GABRB2: variants seen among roughly 807,000 people sequenced by gnomAD.
The protein encoded by GABRB2 is gamma-aminobutyric acid type A receptor subunit beta2.
A neutral mutation model predicts 54.7 loss-of-function variants in GABRB2; 16 were observed. The observed-to-expected ratio is 0.29, with a 90% CI of 0.20 to 0.44. The LOEUF is 0.44. Among genes scored for constraint, GABRB2 ranks in the 20% least tolerant of loss-of-function variants. The pLI is 1.00. For missense variants in GABRB2, 355 were observed against 644.0 expected, an observed-to-expected ratio of 0.55 and a Z score of 4.86; for synonymous variants, 244 against 233.8, an observed-to-expected ratio of 1.04 and a Z score of -0.40.
At chr5:161,436,145 G>A (rs964547130) in intron 4 of GABRB2, among the ~76,000 whole-genome samples, 2 of 152,138 alleles carry the variant, frequency 1.3e-5, no homozygotes, top group African/African-American at 2.4e-5. Context: ...CTTTCTTCGT[G>A]TGTAAAAATA....
chr5:161,506,904 T>C (rs949850095), intron 3 of GABRB2, among the ~76,000 whole-genome samples: 3 of 152,166 alleles, frequency 2.0e-5, no homozygotes, highest in South Asian at 2.1e-4. Context: ...AATGATTTTC[T>C]ACCTCAAATC....
intron 5 of GABRB2, among the ~76,000 whole-genome samples, chr5:161,354,244 C>A (rs1474913835): frequency 6.6e-6 from 1 of 152,018 alleles, no homozygotes. Flanking sequence ...GATTCTGATA[C>A]AAGGACCACA....
chr5:161,313,117 T>C (rs555149086), intron 9 of GABRB2, among the ~76,000 whole-genome samples: 18 of 152,308 alleles, frequency 1.2e-4, no homozygotes, highest in Admixed American at 2.6e-4. Flanking sequence ...CAAGCTGTTA[T>C]GTCCTGTGAA....
intron 3 of GABRB2, among the ~76,000 whole-genome samples, chr5:161,474,733 G>A (rs535170529): frequency 2.7e-4 from 41 of 151,920 alleles, no homozygotes; most frequent in African/African-American, 8.4e-4. Flanking sequence ...ATTACATTAC[G>A]TCAGATATAA....
chr5:161,541,978 G>A (rs1265723677), intron 3 of GABRB2, among the ~76,000 whole-genome samples: 1 of 152,154 alleles, frequency 6.6e-6, no homozygotes, highest in African/African-American at 2.4e-5. Context: ...TAAAGTGAGA[G>A]ATGTGCAACT....
rs542299292 is a variant in GABRB2, at chr5:161,397,966, T to G, written c.541+13009A>C. On this transcript the variant is annotated intron_variant, in intron 5 of 9. Coordinates refer to ENST00000393959, the MANE Select transcript of GABRB2 (RefSeq NM_001371727.1). ...CAATGAGAAAATGAACATAAGGCAT[T>G]TAGTACACAGTAAGTGTTCAATAAT... is the stretch of plus-strand genomic sequence containing the variant. Among the ~76,000 whole-genome samples the G allele has an allele frequency of 7.2e-5, 11 of 152,212 alleles. No homozygotes were observed. In the East Asian group the frequency reaches 2.1e-3, roughly 29 times the overall value.
At chr5:161,313,368 C>T (rs1405603406) in intron 9 of GABRB2, among the ~76,000 whole-genome samples, 2 of 152,002 alleles carry the variant, frequency 1.3e-5, no homozygotes, top group Non-Finnish European at 2.9e-5. Context: ...TGCGCCCCTC[C>T]CCACTACGTT....
At chr5:161,542,053 C>T (rs1760836899) in intron 3 of GABRB2, among the ~76,000 whole-genome samples, 1 of 152,156 alleles carries the variant, frequency 6.6e-6, no homozygotes, top group Non-Finnish European at 1.5e-5. Flanking sequence ...TAGGGAACCT[C>T]ACAGAGAGGG....
At chr5:161,495,254 G>T (rs2962405) in intron 3 of GABRB2, among the ~76,000 whole-genome samples, 151,563 of 152,068 alleles carry the variant, frequency 1, 75,532 homozygotes, top group East Asian at 1. Flanking sequence ...TTAATACTCA[G>T]GAGTGTTATC....
chr5:161,414,384 C>T (rs1469488574), intron 4 of GABRB2, among the ~76,000 whole-genome samples: 2 of 152,096 alleles, frequency 1.3e-5, no homozygotes, highest in African/African-American at 4.8e-5. Context: ...GTTATTACTA[C>T]CTGCTAACGT....
intron 4 of GABRB2, among the ~76,000 whole-genome samples, chr5:161,442,047 A>G (rs1234471480): frequency 6.6e-6 from 1 of 152,162 alleles, no homozygotes; most frequent in Non-Finnish European, 1.5e-5. Flanking sequence ...CTATAGGGTG[A>G]CTATAGTCAA....
At chr5:161,373,709 G>T (rs1343268144) in intron 5 of GABRB2, among the ~76,000 whole-genome samples, 1 of 152,146 alleles carries the variant, frequency 6.6e-6, no homozygotes, top group Admixed American at 6.5e-5. Context: ...TCTAGCCTCT[G>T]TGCATGCCAG....
chr5:161,547,134 G>A (rs1026945204), upstream of GABRB2: 1 of 152,694 alleles, frequency 6.5e-6, no homozygotes, highest in South Asian at 2.1e-4. Context: ...AGCCGGACAC[G>A]GGGCAAGGAG....
chr5:161,339,727 A>G (rs902959957), intron 5 of GABRB2, among the ~76,000 whole-genome samples: 3 of 152,088 alleles, frequency 2.0e-5, no homozygotes, highest in Admixed American at 1.3e-4. Context: ...ATTTGAAATA[A>G]TGAGCCCTGA....
At chr5:161,415,736 C>T (rs1653784116) in intron 4 of GABRB2, among the ~76,000 whole-genome samples, 1 of 150,840 alleles carries the variant, frequency 6.6e-6, no homozygotes. Context: ...CCTCAGCCTC[C>T]CTAGTAGCTG....
At chr5:161,344,803 A>G (rs1754270357) in intron 5 of GABRB2, among the ~76,000 whole-genome samples, 1 of 152,156 alleles carries the variant, frequency 6.6e-6, no homozygotes, top group South Asian at 2.1e-4. Context: ...CCAAATGCCA[A>G]TCAATGGATA....
intron 4 of GABRB2, among the ~76,000 whole-genome samples, chr5:161,422,610 T>A (rs1756881560): frequency 6.6e-6 from 1 of 152,190 alleles, no homozygotes; most frequent in East Asian, 1.9e-4. Context: ...TTTCTTATAT[T>A]TTCTACAGTT....
At chr5:161,331,697 C>T (rs112944029) in intron 7 of GABRB2, among the ~76,000 whole-genome samples, 2 of 151,860 alleles carry the variant, frequency 1.3e-5, no homozygotes, top group Admixed American at 6.6e-5. Context: ...TGGGAAGAAT[C>T]GTGAGAAGAC....
chr5:161,298,043 G>A (rs1757433617), intron 9 of GABRB2, among the ~76,000 whole-genome samples: 1 of 152,182 alleles, frequency 6.6e-6, no homozygotes, highest in African/African-American at 2.4e-5. Context: ...GTGATGATGA[G>A]CTTTTTTTCA....
Sources: allele counts gnomAD v4.1 joint callset (sites outside exome capture counted in the v4.1 genomes callset), GRCh38; gene constraint gnomAD v4.1.1; transcripts MANE v1.5; gene names NCBI Gene and HGNC (gene_info 2026-07-23, HGNC 2026-07-21).